KCTD8: variants seen among roughly 807,000 people sequenced by gnomAD.
The protein encoded by KCTD8 is potassium channel tetramerization domain containing 8, also known as BTB/POZ domain-containing protein KCTD8.
A neutral mutation model predicts 31.5 loss-of-function variants in KCTD8; 27 were observed. The observed-to-expected ratio is 0.86, with a 90% CI of 0.63 to 1.18. The LOEUF (loss-of-function observed/expected upper bound fraction) is 1.18, where lower values mean the gene tolerates loss of function less well. KCTD8 is among the 50% of genes most tolerant of loss of function. The pLI is 0.00. For synonymous variants in KCTD8, 290 were observed against 280.0 expected (o/e 1.04, Z -0.36); for missense variants, 658 against 647.7 (o/e 1.02, Z -0.17).
intron 1 of KCTD8, among the ~76,000 whole-genome samples, chr4:44,348,725 C>T (rs1719104604): frequency 6.6e-6 from 1 of 152,166 alleles, no homozygotes; most frequent in Non-Finnish European, 1.5e-5. Context: ...TTGTTGCTTA[C>T]AGCCATGTAT....
At chr4:44,301,389 A>C (rs1394656167) in intron 1 of KCTD8, among the ~76,000 whole-genome samples, 1 of 152,068 alleles carries the variant, frequency 6.6e-6, no homozygotes, top group African/African-American at 2.4e-5. Flanking sequence ...TTGTTTCCTG[A>C]CTTTTTAATG....
rs560166059 is a variant in KCTD8, at chr4:44,328,086, G to A, written c.961+119477C>T. Among the ~76,000 whole-genome samples, 15 of 151,920 alleles carry A rather than the reference G, an allele frequency of 9.9e-5. No individual in the cohort carries two copies. In the South Asian group the frequency reaches 3.1e-3, roughly 32 times the overall value. On this transcript the variant is annotated intron_variant, in intron 1 of 1. Coordinates refer to ENST00000360029, the MANE Select transcript of KCTD8 (RefSeq NM_198353.3). ...TTAAATGGATGATATATAGATCCAA[G>A]TACAAACACAAGATCCAAATAAAAA...
At chr4:44,394,263 T>C (rs1218186390) in intron 1 of KCTD8, among the ~76,000 whole-genome samples, 1 of 152,046 alleles carries the variant, frequency 6.6e-6, no homozygotes, top group Non-Finnish European at 1.5e-5. Flanking sequence ...TATGCCCTTT[T>C]ATACAGGCAA....
At chr4:44,281,435 C>G (rs1202264407) in intron 1 of KCTD8, among the ~76,000 whole-genome samples, 1 of 152,004 alleles carries the variant, frequency 6.6e-6, no homozygotes, top group African/African-American at 2.4e-5. Flanking sequence ...TCATACATGA[C>G]TAAAGTATCA....
intron 1 of KCTD8, among the ~76,000 whole-genome samples, chr4:44,407,439 T>C (rs1230395349): frequency 6.6e-6 from 1 of 151,524 alleles, no homozygotes; most frequent in Non-Finnish European, 1.5e-5. Flanking sequence ...CCAGACTGAG[T>C]GCAATAGTGC....
At chr4:44,219,861 C>T (rs916072043) in intron 1 of KCTD8, among the ~76,000 whole-genome samples, 5 of 152,046 alleles carry the variant, frequency 3.3e-5, no homozygotes, top group Admixed American at 6.6e-5. Context: ...CCTGTATCAG[C>T]GAGAATGAAG....
intron 1 of KCTD8, among the ~76,000 whole-genome samples, chr4:44,291,509 T>C (rs1395813046): frequency 2.6e-5 from 4 of 151,916 alleles, no homozygotes; most frequent in Admixed American, 6.6e-5. Flanking sequence ...AAGATTTAAA[T>C]TATAAAAATT....
chr4:44,330,811 A>C (rs1389817494), intron 1 of KCTD8, among the ~76,000 whole-genome samples: 1 of 151,942 alleles, frequency 6.6e-6, no homozygotes, highest in Non-Finnish European at 1.5e-5. Flanking sequence ...TGATGATGAC[A>C]ATGAAGGAGA....
chr4:44,439,909 T>C (rs1270237865), intron 1 of KCTD8, among the ~76,000 whole-genome samples: 1 of 118,828 alleles, frequency 8.4e-6, no homozygotes, highest in Non-Finnish European at 1.6e-5. Context: ...TTTTTATTTA[T>C]TTATTTATTT....
At chr4:44,217,601 G>T (rs1366276160) in intron 1 of KCTD8, among the ~76,000 whole-genome samples, 1 of 152,138 alleles carries the variant, frequency 6.6e-6, no homozygotes, top group African/African-American at 2.4e-5. Context: ...AGTGGACTGC[G>T]GAAGGAAGAC....
intron 1 of KCTD8, among the ~76,000 whole-genome samples, chr4:44,325,958 A>T (rs1426440077): frequency 6.6e-6 from 1 of 152,092 alleles, no homozygotes; most frequent in Non-Finnish European, 1.5e-5. Context: ...AACTTAATGG[A>T]GAAGTTCTTG....
Position 44,447,742 on chromosome 4 carries a change from T to C in KCTD8, c.782A>G (p.Gln261Arg). ...TLNESRDPDR[Q>R]PEKYTSRFYL... ...GAAGCGGGACGTGTACTTCTCCGGC[T>C]GCCGGTCGGGGTCGCGGCTCTCGTT... is the stretch of plus-strand genomic sequence containing the variant. The change falls in exon 1 of 2, where the codon CAG becomes CGG. Residue 261 changes from glutamine to arginine, a missense_variant. Gln to Arg is a conservative substitution (Grantham distance 43, BLOSUM62 1). Coordinates refer to ENST00000360029, the MANE Select transcript of KCTD8 (RefSeq NM_198353.3). 1.2e-6 allele frequency: 2 copies of C among 1,612,246 alleles called. No homozygotes were observed. Among genetic ancestry groups the C allele is most frequent in the Non-Finnish European group, 1.7e-6 (2 of 1,179,274 alleles).
intron 1 of KCTD8, among the ~76,000 whole-genome samples, chr4:44,372,619 A>G (rs1361114330): frequency 1.3e-5 from 2 of 152,082 alleles, no homozygotes; most frequent in Admixed American, 6.5e-5. Context: ...TTTTCCTTCA[A>G]TCAGTTTACT....
intron 1 of KCTD8, among the ~76,000 whole-genome samples, chr4:44,182,619 T>C (rs1412839825): frequency 1.3e-5 from 2 of 152,058 alleles, no homozygotes; most frequent in Non-Finnish European, 2.9e-5. Flanking sequence ...CAGCACTCCC[T>C]AATCTCAAGT....
chr4:44,370,039 C>T (rs1719742629), intron 1 of KCTD8, among the ~76,000 whole-genome samples: 1 of 152,112 alleles, frequency 6.6e-6, no homozygotes, highest in African/African-American at 2.4e-5. Context: ...GAACTAGTAT[C>T]TTCTGACATT....
Position 44,371,458 on chromosome 4 carries a change from A to G in KCTD8, c.961+76105T>C, listed in dbSNP as rs144019900. ...CTTTCGTATCCCTGAGGTAGAGCAC[A>G]CTGCTTGGCACAGAGTAATGTCCAA... On this transcript the variant is annotated intron_variant, in intron 1 of 1. Coordinates refer to ENST00000360029, the MANE Select transcript of KCTD8 (RefSeq NM_198353.3). Among the ~76,000 whole-genome samples, 877 of 152,316 alleles carry G rather than the reference A, an allele frequency of 5.8e-3. 10 individuals carry two copies. Among genetic ancestry groups the G allele is most frequent in the African/African-American group, 0.02 (814 of 41,582 alleles).
Position 44,220,469 on chromosome 4 carries a change from A to G in KCTD8, c.962-45219T>C, listed in dbSNP as rs188045624. Among the ~76,000 whole-genome samples the G allele has an allele frequency of 2.8e-4, 43 of 152,326 alleles. 1 individual carries two copies. Among genetic ancestry groups the G allele is most frequent in the Non-Finnish European group, 5.9e-5 (4 of 68,022 alleles). On this transcript the variant is annotated intron_variant, in intron 1 of 1. Coordinates refer to ENST00000360029, the MANE Select transcript of KCTD8 (RefSeq NM_198353.3). Reference sequence around the variant, plus strand: ...CTCTAAATCTGATCGTATCCAAAACACTAGTCACTGCCCTTTCATATTCCT... The same window carrying G: ...CTCTAAATCTGATCGTATCCAAAACGCTAGTCACTGCCCTTTCATATTCCT...
intron 1 of KCTD8, among the ~76,000 whole-genome samples, chr4:44,391,848 T>C (rs1300466819): frequency 2.6e-5 from 4 of 151,990 alleles, no homozygotes; most frequent in Non-Finnish European, 4.4e-5. Context: ...GTAGACAAAG[T>C]TAATCCACGT....
At chr4:44,218,535 C>G (rs1054998349) in intron 1 of KCTD8, among the ~76,000 whole-genome samples, 2 of 150,046 alleles carry the variant, frequency 1.3e-5, no homozygotes, top group Non-Finnish European at 3.0e-5. Context: ...ACATTGCATG[C>G]CTGTATCAAA....
Sources: allele counts gnomAD v4.1 joint callset (sites outside exome capture counted in the v4.1 genomes callset), GRCh38; gene constraint gnomAD v4.1.1; transcripts MANE v1.5; gene names NCBI Gene and HGNC (gene_info 2026-07-23, HGNC 2026-07-21).